DYNC2H1: variants seen among roughly 807,000 people sequenced by gnomAD.
DYNC2H1 encodes cytoplasmic dynein 2 heavy chain 1.
Under a neutral mutation model 570.0 loss-of-function variants are expected in DYNC2H1, and 410 were observed. That is an observed-to-expected ratio of 0.72 (90% CI 0.66 to 0.78). The LOEUF is 0.78. Among genes scored for constraint, DYNC2H1 ranks in the 30% least tolerant of loss-of-function variants. The pLI, the probability that DYNC2H1 is intolerant of heterozygous loss-of-function variation, is 0.00. For missense variants in DYNC2H1, 4,865 were observed against 5,046.4 expected, an observed-to-expected ratio of 0.96 and a Z score of 1.09; for synonymous variants, 1,688 against 1,677.6, an observed-to-expected ratio of 1.01 and a Z score of -0.15.
At chr11:103,248,044 G>A (rs1864683432) in intron 65 of DYNC2H1, among the ~76,000 whole-genome samples, 1 of 151,988 alleles carries the variant, frequency 6.6e-6, no homozygotes, top group Non-Finnish European at 1.5e-5. Context: ...TCCAGGTATG[G>A]AACATGCTGC....
intron 82 of DYNC2H1, among the ~76,000 whole-genome samples, chr11:103,351,931 A>G (rs918227324): frequency 6.6e-6 from 1 of 152,138 alleles, no homozygotes; most frequent in Admixed American, 6.5e-5. Flanking sequence ...TTGACCAACT[A>G]TAGCCCCACT....
intron 77 of DYNC2H1, among the ~76,000 whole-genome samples, chr11:103,307,114 T>C (rs188752328): frequency 6.6e-6 from 1 of 152,122 alleles, no homozygotes; most frequent in African/African-American, 2.4e-5. Flanking sequence ...AGAGGAAATA[T>C]GATGAGTAAA....
At chr11:103,450,096 C>T (rs995157286) in intron 85 of DYNC2H1, among the ~76,000 whole-genome samples, 1 of 152,150 alleles carries the variant, frequency 6.6e-6, no homozygotes, top group African/African-American at 2.4e-5. Flanking sequence ...AGCAAAGTTA[C>T]TAACCAGAGA....
intron 87 of DYNC2H1, among the ~76,000 whole-genome samples, chr11:103,467,561 G>A (rs1477409873): frequency 3.3e-5 from 5 of 149,850 alleles, no homozygotes; most frequent in South Asian, 2.1e-4. Flanking sequence ...GTTTTGAGGC[G>A]GAGTCTCACT....
intron 60 of DYNC2H1, 39 bp downstream of exon 60, chr11:103,231,385 G>A: frequency 7.5e-7 from 1 of 1,334,856 alleles, no homozygotes; most frequent in Non-Finnish European, 1.0e-6. Context: ...ATAATGCTGA[G>A]AGTGTTTACA....
chr11:103,178,165 G>T (rs951274653), intron 38 of DYNC2H1, among the ~76,000 whole-genome samples: 5 of 152,058 alleles, frequency 3.3e-5, no homozygotes, highest in Non-Finnish European at 7.4e-5. Context: ...GGTTAAAATT[G>T]GTGTGTATGA....
rs1159253078 is a variant in DYNC2H1, at chr11:103,115,244, T to C, written c.570T>C (p.Ile190=). 11 of 1,608,874 alleles carry C rather than the reference T, an allele frequency of 6.8e-6. No homozygotes were observed. In the Admixed American group the frequency reaches 1.8e-4, roughly 27 times the overall value. Reference sequence around the variant, plus strand: ...AAGCTCACCGTGGAAATAAACAGATTAGTAAAGAAAGAGCCAATTATTTTA... The same window carrying C: ...AAGCTCACCGTGGAAATAAACAGATCAGTAAAGAAAGAGCCAATTATTTTA... ...IEQAHRGNKQ[I]SKERANYFKE... The change falls in exon 4 of 89, where the codon ATT becomes ATC. Residue 190 remains isoleucine (I), a synonymous_variant. Coordinates refer to ENST00000375735, the MANE Select transcript of DYNC2H1 (RefSeq NM_001377.3).
At chr11:103,403,695 G>A (rs1199816651) in intron 84 of DYNC2H1, 1 of 152,018 alleles carries the variant, frequency 6.6e-6, no homozygotes, top group Non-Finnish European at 1.5e-5. Flanking sequence ...CATGAGTGTA[G>A]GACGTCTTCG....
Position 103,249,450 on chromosome 11 carries a change from C to A in DYNC2H1, c.10043-3835C>A, listed in dbSNP as rs529692788. On this transcript the variant is annotated intron_variant, in intron 65 of 88. Coordinates refer to ENST00000375735, the MANE Select transcript of DYNC2H1 (RefSeq NM_001377.3). This position sits in a 1 kb window ranked among gnomAD's most constrained non-coding sequence, Gnocchi z 4.6. ...CAAATTGAATACACCTGTATAAACA[C>A]CCAGATCAAGACATAAGAGCTTTAT... Among the ~76,000 whole-genome samples the A allele has an allele frequency of 1.6e-4, 25 of 151,954 alleles. No individual in the cohort carries two copies. In the Middle Eastern group the frequency reaches 0.017, roughly 103 times the overall value.
At position 103,198,062 on chromosome 11, in the gene DYNC2H1, A is replaced by G. The variant is rs778285080; in HGVS notation, c.7838A>G (p.Lys2613Arg). ...ACTGATCTCAAGGATGTTATTAAAA[A>G]GGTATAATATGAATCATTAATTGGA... The part of the protein sequence containing the change: ...NSTDLKDVIK[K>R]GLIHYGRDNQ... Residue 2613 changes from lysine (K) to arginine (R), a missense_variant and splice_region_variant, in exon 48 of 89, where the codon AAG (lysine) becomes AGG (arginine). Physicochemically the swap from Lys to Arg is conservative, Grantham distance 26. Transcript: ENST00000375735. 1.8e-5 allele frequency: 28 copies of G among 1,551,572 alleles called. No homozygotes were observed. In the East Asian group the frequency reaches 2.2e-4, roughly 12 times the overall value.
chr11:103,316,079 T>C (rs754802903), intron 79 of DYNC2H1, among the ~76,000 whole-genome samples: 1 of 152,024 alleles, frequency 6.6e-6, no homozygotes. Context: ...AGCTATTAGT[T>C]ATAGTTATAT....
At chr11:103,213,629 A>T (rs1486424546) in intron 54 of DYNC2H1, among the ~76,000 whole-genome samples, 7 of 3,842 alleles carry the variant, frequency 1.8e-3, no homozygotes, top group Non-Finnish European at 5.9e-3. Flanking sequence ...GTGTCTTTTA[A>T]AAAAAAAAAA....
At position 103,157,903 on chromosome 11, in the gene DYNC2H1, A is replaced by G. The variant is rs570252638; in HGVS notation, c.4128-774A>G. On this transcript the variant is annotated intron_variant, in intron 26 of 88. Transcript: ENST00000375735. The surrounding 1 kb of genome is among the most constrained non-coding windows in gnomAD (Gnocchi z 4.2). The stretch of plus-strand genomic sequence containing the variant: ...AGCTTTTAGTTTCTCGGTCATACCT[A>G]TCTTCTTCCCAGAATCTTTGCCAGA... Among the ~76,000 whole-genome samples the G allele has an allele frequency of 2.6e-5, 4 of 152,190 alleles. No homozygotes were observed. Among genetic ancestry groups the G allele is most frequent in the Non-Finnish European group, 2.9e-5 (2 of 68,000 alleles).
chr11:103,214,333 T>G (rs191533036), intron 54 of DYNC2H1, among the ~76,000 whole-genome samples: 1 of 152,260 alleles, frequency 6.6e-6, no homozygotes, highest in Admixed American at 6.5e-5. Context: ...AATTTTTGGA[T>G]TTTTAAAAAA....
chr11:103,152,693 C>G (rs905330574), intron 21 of DYNC2H1, among the ~76,000 whole-genome samples: 3 of 152,128 alleles, frequency 2.0e-5, no homozygotes, highest in African/African-American at 7.2e-5. Context: ...GCTATGGTGC[C>G]TCTGCTTCAT....
chr11:103,418,276 A>G (rs2135708847), intron 84 of DYNC2H1, among the ~76,000 whole-genome samples: 1 of 152,312 alleles, frequency 6.6e-6, no homozygotes, highest in South Asian at 2.1e-4. Flanking sequence ...ACAAAATCTT[A>G]AGGAATCTAC....
Position 103,170,833 on chromosome 11 carries a change from A to G in DYNC2H1, c.5152-53A>G, listed in dbSNP as rs903071575. The stretch of plus-strand genomic sequence containing the variant: ...AAGTAACATTAAATATTAAGTAGTT[A>G]TGGAGATTTTGATTATTTTTTAATG... On this transcript the variant is annotated intron_variant, in intron 33 of 88. Transcript: ENST00000375735. This position sits in a 1 kb window ranked among gnomAD's most constrained non-coding sequence, Gnocchi z 4.8. 4 of 1,335,530 alleles carry G rather than the reference A, an allele frequency of 3.0e-6. No individual in the cohort carries two copies. Among genetic ancestry groups the G allele is most frequent in the African/African-American group, 3.0e-5 (2 of 67,792 alleles). The allele number at this position is 1,335,530 out of a possible 1,614,324, so 82.7% of individuals were successfully genotyped here. A position where few individuals can be genotyped will look rare whatever the true frequency, so the allele number is the denominator to read the frequency against.
At chr11:103,455,147 T>A in intron 85 of DYNC2H1, 39 bp from the exon 86 acceptor site, 1 of 1,442,592 alleles carries the variant, frequency 6.9e-7, no homozygotes, top group South Asian at 1.2e-5. Context: ...GACTTATAAG[T>A]GTGTGTGTAT....
At position 103,151,114 on chromosome 11, in the gene DYNC2H1, T is replaced by C. The variant is rs1430480674; in HGVS notation, c.2947-1022T>C. On this transcript the variant is annotated intron_variant, in intron 20 of 88. Coordinates refer to ENST00000375735, the MANE Select transcript of DYNC2H1 (RefSeq NM_001377.3). This position sits in a 1 kb window ranked among gnomAD's most constrained non-coding sequence, Gnocchi z 4.6. ...AACTATTGTGATATGTTTTACAGGCTAACTGGAGTTCCGTTCACGTGTAGA... is the reference window on the plus strand; with the variant it reads ...AACTATTGTGATATGTTTTACAGGCCAACTGGAGTTCCGTTCACGTGTAGA... 2.0e-5 allele frequency among the ~76,000 whole-genome samples: 3 copies of C among 152,174 alleles called. No individual in the cohort carries two copies. Among genetic ancestry groups the C allele is most frequent in the African/African-American group, 7.2e-5 (3 of 41,440 alleles).
Sources: gnomAD v4.1 joint callset for allele counts (sites outside exome capture counted in the v4.1 genomes callset) on GRCh38, gnomAD v4.1.1 for gene constraint, Gnocchi (gnomAD v3.1) non-coding constraint, MANE v1.5 for transcripts, NCBI Gene and HGNC (gene_info 2026-07-23, HGNC 2026-07-21) for gene names.